MTRF1: variants seen among roughly 807,000 people sequenced by gnomAD.
The protein encoded by MTRF1 is peptide chain release factor 1, mitochondrial.
A neutral mutation model predicts 62.9 loss-of-function variants in MTRF1; 51 were observed. The observed-to-expected ratio is 0.81, with a 90% CI of 0.65 to 1.02. The LOEUF (loss-of-function observed/expected upper bound fraction) is 1.02, where lower values mean the gene tolerates loss of function less well. MTRF1 is among the 50% of genes least tolerant of loss of function. MTRF1 has a pLI of 0.00. For missense variants in MTRF1, 446 were observed against 530.0 expected, an observed-to-expected ratio of 0.84 and a Z score of 1.56; for synonymous variants, 158 against 181.9, an observed-to-expected ratio of 0.87 and a Z score of 1.06.
chr13:41,273,450 G>A, the MTRF1 span, among the ~76,000 whole-genome samples: 2 of 152,148 alleles, frequency 1.3e-5, no homozygotes, highest in Non-Finnish European at 2.9e-5. Flanking sequence ...CCAAGATTGA[G>A]GACACGCACC....
At chr13:41,219,290 CAAAAAA>C (rs55810411) in intron 9 of MTRF1, among the ~76,000 whole-genome samples, 6 of 131,906 alleles carry the variant, frequency 4.5e-5, no homozygotes, top group African/African-American at 1.5e-4. Flanking sequence ...GACTCTGTCT[CAAAAAA>C]AAAAAAAAAA....
Position 41,252,713 on chromosome 13 carries a change from A to C in MTRF1, c.629T>G (p.Met210Arg), listed in dbSNP as rs1191883257. 1.2e-6 allele frequency: 2 copies of C among 1,613,742 alleles called. No homozygotes were observed. ...CQQFTREIFD[M>R]YQNYSCYKHW... is the part of the protein sequence containing the mutation. ...TTTATAGCACGAATAATTCTGGTAC[A>C]TGTCAAATATTTCTCGGGTAAATTG... is the stretch of plus-strand genomic sequence containing the variant. Residue 210 changes from methionine (M) to arginine (R), a missense_variant, in exon 5 of 10, where the codon ATG (methionine) becomes AGG (arginine). By Grantham distance (91) the Met-to-Arg change is moderately conservative. Transcript: ENST00000379480.
At chr13:41,231,933 A>C (rs1794690256) in intron 7 of MTRF1, among the ~76,000 whole-genome samples, 1 of 151,346 alleles carries the variant, frequency 6.6e-6, no homozygotes, top group Admixed American at 6.6e-5. Context: ...AAGCGCCTAT[A>C]GTTCCAGCTA....
At chr13:41,255,098 T>C (rs1305074508) in intron 2 of MTRF1, among the ~76,000 whole-genome samples, 1 of 152,206 alleles carries the variant, frequency 6.6e-6, no homozygotes, top group African/African-American at 2.4e-5. Flanking sequence ...AGGTAGCAGC[T>C]GTAACTCAGC....
chr13:41,300,840 C>A, the MTRF1 span, among the ~76,000 whole-genome samples: 1 of 152,160 alleles, frequency 6.6e-6, no homozygotes. Flanking sequence ...ATTTCAGGAA[C>A]ATGAAGATAA....
the MTRF1 span, among the ~76,000 whole-genome samples, chr13:41,290,839 T>G: frequency 6.7e-6 from 1 of 150,350 alleles, no homozygotes; most frequent in Admixed American, 6.6e-5. Context: ...ATGCCTGTAA[T>G]CCCAGCACTT....
At chr13:41,240,210 A>C in intron 6 of MTRF1, 51 bp downstream of exon 6, 11 of 1,517,936 alleles carry the variant, frequency 7.2e-6, no homozygotes, top group Non-Finnish European at 8.9e-6. Context: ...GGCTTCCAGC[A>C]CAATACCCGT....
the MTRF1 span, chr13:41,288,057 G>T: frequency 7.3e-5 from 30 of 413,348 alleles, no homozygotes; most frequent in African/African-American, 5.2e-4. Flanking sequence ...TTCAAATGAT[G>T]CAAGACTCAC....
At chr13:41,241,051 T>G (rs539252905) in intron 5 of MTRF1, among the ~76,000 whole-genome samples, 22 of 152,296 alleles carry the variant, frequency 1.4e-4, no homozygotes, top group East Asian at 3.9e-4. Flanking sequence ...TTGTTCTTTT[T>G]TTGTTGTTGT....
chr13:41,238,468 T>C (rs1028462318), intron 6 of MTRF1, among the ~76,000 whole-genome samples: 7 of 152,276 alleles, frequency 4.6e-5, no homozygotes, highest in South Asian at 4.1e-4. Context: ...AGAAAAAGAA[T>C]GCAAGTGTGG....
chr13:41,263,349 T>C, intron 1 of MTRF1, 136 bp downstream of exon 1: 1 of 1,278,484 alleles, frequency 7.8e-7, no homozygotes, highest in Non-Finnish European at 1.0e-6. Flanking sequence ...AAGTTCTGAG[T>C]GTAGGCAGGT....
chr13:41,253,010 T>C lies in MTRF1; in HGVS notation c.528A>G (p.Pro176=). 1 of 1,609,242 alleles carries C rather than the reference T, an allele frequency of 6.2e-7. No individual in the cohort carries two copies. The highest frequency in any genetic ancestry group is 1.1e-5 in the South Asian group (1 of 89,808). Residue 176 remains proline (P), a synonymous_variant, in exon 4 of 10, where the codon CCA becomes CCG. Transcript: ENST00000379480. ...LYNELFQSLV[P]KEKYDKNDVI... is the part of the protein sequence containing the mutation. ...CATCATTTTTGTCATATTTCTCCTT[T>C]GGCACAAGGCTCTGGAAAAGCTGGA...
intron 5 of MTRF1, among the ~76,000 whole-genome samples, chr13:41,249,611 T>A (rs1302011649): frequency 3.2e-5 from 4 of 125,742 alleles, no homozygotes; most frequent in African/African-American, 1.2e-4. Flanking sequence ...AGTCTTTGAT[T>A]TTTTTTTCTT....
the MTRF1 span, among the ~76,000 whole-genome samples, chr13:41,270,164 A>G: frequency 2.0e-5 from 3 of 152,198 alleles, no homozygotes; most frequent in East Asian, 5.8e-4. Flanking sequence ...ACTTTATAGT[A>G]TTTGGTTAGG....
chr13:41,301,920 G>A, the MTRF1 span, among the ~76,000 whole-genome samples: 2 of 152,280 alleles, frequency 1.3e-5, no homozygotes, highest in Admixed American at 1.3e-4. Flanking sequence ...TCTGGTGGTT[G>A]ATCTTTCCTG....
chr13:41,270,638 G>A, the MTRF1 span, among the ~76,000 whole-genome samples: 1 of 152,138 alleles, frequency 6.6e-6, no homozygotes, highest in African/African-American at 2.4e-5. Flanking sequence ...AAGGTACAGA[G>A]AGAAAAAGTC....
chr13:41,311,660 C>G, the MTRF1 span: 3 of 1,374,508 alleles, frequency 2.2e-6, no homozygotes, highest in East Asian at 7.7e-5. Flanking sequence ...CTGGCGGCGG[C>G]CGGCGCGGGC....
At chr13:41,263,092 A>G (rs1019601942) in intron 1 of MTRF1, among the ~76,000 whole-genome samples, 3 of 152,206 alleles carry the variant, frequency 2.0e-5, no homozygotes, top group Non-Finnish European at 4.4e-5. Context: ...CACGTTAGAG[A>G]AAGTGTATCC....
At chr13:41,227,919 G>A (rs937789022) in intron 7 of MTRF1, among the ~76,000 whole-genome samples, 1 of 152,150 alleles carries the variant, frequency 6.6e-6, no homozygotes, top group Non-Finnish European at 1.5e-5. Flanking sequence ...GCACTGGCTG[G>A]CCCCCATCTT....
Sources: gnomAD v4.1 joint callset for allele counts (sites outside exome capture counted in the v4.1 genomes callset) on GRCh38, gnomAD v4.1.1 for gene constraint, MANE v1.5 for transcripts, NCBI Gene and HGNC (gene_info 2026-07-23, HGNC 2026-07-21) for gene names.